The following PCGF3 variants were observed in gnomAD, a reference collection of about 807,000 sequenced individuals.
PCGF3 encodes polycomb group RING finger protein 3.
Under a neutral mutation model 33.1 loss-of-function variants are expected in PCGF3, and 7 were observed. The observed-to-expected ratio is 0.21, with a 90% CI of 0.12 to 0.40. The LOEUF (loss-of-function observed/expected upper bound fraction) is 0.40. PCGF3 is among the 10% of genes least tolerant of loss of function. PCGF3 has a pLI of 1.00. For synonymous variants in PCGF3, 153 were observed against 121.3 expected (o/e 1.26, Z -1.72); for missense variants, 211 against 313.3 (o/e 0.67, Z 2.46).
At chr4:753,643 C>G (rs77398945) in intron 8 of PCGF3, among the ~76,000 whole-genome samples, 1 of 110,112 alleles carries the variant, frequency 9.1e-6, no homozygotes, top group African/African-American at 3.4e-5. Context: ...AGTCCGGTCT[C>G]AAAAAAAAAA....
At chr4:737,616 C>T (rs904277103) in intron 6 of PCGF3, 95 bp downstream of exon 6, 8 of 784,602 alleles carry the variant, frequency 1.0e-5, no homozygotes, top group Non-Finnish European at 1.6e-5. Flanking sequence ...TGGGAGGCCC[C>T]TTTCCTTTTG....
chr4:716,073 G>T (rs1457878781), intron 1 of PCGF3, among the ~76,000 whole-genome samples: 4 of 147,176 alleles, frequency 2.7e-5, no homozygotes, highest in Non-Finnish European at 4.5e-5. Context: ...CACTGTGAGT[G>T]TGAGAACCGG....
intron 1 of PCGF3, among the ~76,000 whole-genome samples, chr4:723,428 G>A (rs941084924): frequency 6.6e-6 from 1 of 152,170 alleles, no homozygotes; most frequent in East Asian, 1.9e-4. Context: ...GAAGGTGGGT[G>A]ACCAGAGTGG....
chr4:764,606 G>GT, intron 9 of PCGF3: 1 of 185,154 alleles, frequency 5.4e-6, no homozygotes, highest in South Asian at 1.1e-4. Context: ...GGGTGTGATG[G>GT]GGCCTGTCAA....
intron 7 of PCGF3, 85 bp from the exon 8 acceptor site, chr4:744,515 G>A: frequency 9.8e-7 from 1 of 1,018,270 alleles, no homozygotes; most frequent in Non-Finnish European, 1.5e-6. Context: ...GTGAATTTTT[G>A]ACGGCATTTG....
At chr4:732,452 G>A (rs1364137912) in intron 3 of PCGF3, 1 of 152,150 alleles carries the variant, frequency 6.6e-6, no homozygotes, top group Non-Finnish European at 1.5e-5. Flanking sequence ...AGCCCCGCAG[G>A]GAGGAGGAGA....
At chr4:744,682 C>G in exon 8 of PCGF3, 1 of 1,552,180 alleles carries the variant, frequency 6.4e-7, no homozygotes, top group Non-Finnish European at 8.7e-7. Flanking sequence ...ACCGCAGCGA[C>G]GAGCAGGTGG....
intron 1 of PCGF3, among the ~76,000 whole-genome samples, chr4:710,640 G>A (rs1467142953): frequency 6.6e-6 from 1 of 152,216 alleles, no homozygotes; most frequent in African/African-American, 2.4e-5. Flanking sequence ...CGATGTCACC[G>A]TCATGATTGA....
At chr4:711,497 C>CCGGACTG (rs542457422) in intron 1 of PCGF3, among the ~76,000 whole-genome samples, 1,420 of 136,620 alleles carry the variant, frequency 0.01, 7 homozygotes, top group Non-Finnish European at 0.017. Flanking sequence ...GTCGCCCAGG[C>CCGGACTG]CGGACTGCGG....
chr4:724,512 A>G (rs2109564581), intron 1 of PCGF3, among the ~76,000 whole-genome samples: 1 of 152,290 alleles, frequency 6.6e-6, no homozygotes, highest in Non-Finnish European at 1.5e-5. Flanking sequence ...TACTTCATAA[A>G]ATACTCCAGG....
At chr4:724,361 C>T (rs572341669) in intron 1 of PCGF3, among the ~76,000 whole-genome samples, 102 of 152,314 alleles carry the variant, frequency 6.7e-4, no homozygotes, top group African/African-American at 2.3e-3. Context: ...CACAGCCGGC[C>T]GCACAGGCAG....
chr4:708,146 C>T (rs547502247), intron 1 of PCGF3, among the ~76,000 whole-genome samples: 1 of 152,130 alleles, frequency 6.6e-6, no homozygotes. Context: ...CACCCTGAGA[C>T]TGGACAGTGA....
chr4:762,238 G>A (rs1297635422), intron 9 of PCGF3: 1 of 367,310 alleles, frequency 2.7e-6, no homozygotes, highest in African/African-American at 2.2e-5. Flanking sequence ...TGGAATATCT[G>A]GGTGGAGCCT....
intron 1 of PCGF3, among the ~76,000 whole-genome samples, chr4:718,119 CAG>C (rs1472981109): frequency 6.6e-6 from 1 of 152,138 alleles, no homozygotes; most frequent in Non-Finnish European, 1.5e-5. Context: ...GCAAGGCTGT[CAG>C]AGGAGGTCAG....
At chr4:716,237 C>T (rs1159749708) in intron 1 of PCGF3, among the ~76,000 whole-genome samples, 2 of 123,070 alleles carry the variant, frequency 1.6e-5, no homozygotes, top group African/African-American at 3.0e-5. Context: ...ACCCTCTAGA[C>T]ACTGTGAGTG....
intron 8 of PCGF3, among the ~76,000 whole-genome samples, chr4:754,334 G>T (rs184443213): frequency 6.6e-6 from 1 of 152,206 alleles, no homozygotes; most frequent in Non-Finnish European, 1.5e-5. Flanking sequence ...CCTCGGGCAC[G>T]CGCTGTGCTC....
intron 1 of PCGF3, among the ~76,000 whole-genome samples, chr4:711,850 A>T (rs1742584140): frequency 6.6e-6 from 1 of 151,742 alleles, no homozygotes; most frequent in Non-Finnish European, 1.5e-5. Context: ...AATCCCAGCT[A>T]CTTGGGAGGC....
intron 8 of PCGF3, among the ~76,000 whole-genome samples, chr4:754,322 A>G (rs1342078089): frequency 6.6e-6 from 1 of 151,892 alleles, no homozygotes; most frequent in Non-Finnish European, 1.5e-5. Flanking sequence ...TCCTGTCCGC[A>G]CCCTCGGGCA....
intron 8 of PCGF3, among the ~76,000 whole-genome samples, chr4:757,914 A>G (rs1744842537): frequency 1.3e-5 from 2 of 152,100 alleles, no homozygotes; most frequent in African/African-American, 4.8e-5. Context: ...CACGCCTGTA[A>G]TCCTAGCACT....
Sources: allele counts gnomAD v4.1 joint callset (sites outside exome capture counted in the v4.1 genomes callset), GRCh38; gene constraint gnomAD v4.1.1; transcripts MANE v1.5; gene names NCBI Gene and HGNC (gene_info 2026-07-23, HGNC 2026-07-21).